Variants in NTM observed in about 807,000 individuals in gnomAD.
NTM encodes neurotrimin, also known as IgLON family member 2.
Under a neutral mutation model 42.1 loss-of-function variants are expected in NTM, and 13 were observed. The observed-to-expected ratio is 0.31, with a 90% CI of 0.20 to 0.49. NTM has a LOEUF of 0.49. NTM is among the 20% of genes least tolerant of loss of function. The probability of loss-of-function intolerance (pLI) is 0.99; values close to 1 mark genes in which losing one functional copy is unlikely to be tolerated. For synonymous variants in NTM, 187 were observed against 179.2 expected, an observed-to-expected ratio of 1.04 and a Z score of -0.35; for missense variants, 373 against 452.8, an observed-to-expected ratio of 0.82 and a Z score of 1.60.
chr11:131,801,737 T>A (rs2092130829), intron 1 of NTM, among the ~76,000 whole-genome samples: 1 of 152,144 alleles, frequency 6.6e-6, no homozygotes, highest in Non-Finnish European at 1.5e-5. Context: ...GATGACCTTT[T>A]CAATTAATGG....
At chr11:132,173,260 T>C (rs2076345720) in intron 3 of NTM, among the ~76,000 whole-genome samples, 1 of 152,224 alleles carries the variant, frequency 6.6e-6, no homozygotes, top group African/African-American at 2.4e-5. Context: ...TTTCTAATTT[T>C]AACTTCAAGA....
In NTM at chr11:131,789,479, AAG is replaced by A. The variant is rs1434770696; in HGVS notation, c.83-122083_83-122082del. Reference sequence around the variant, plus strand: ...GAAGAAGAAGAAGAAGAAGAAGAAGAAGAAGAAGAAGAGGAAAGAAGAAGAAG... The same window carrying A: ...GAAGAAGAAGAAGAAGAAGAAGAAGAAAGAAGAAGAGGAAAGAAGAAGAAG... On this transcript the variant is annotated intron_variant, in intron 1 of 8. Coordinates refer to ENST00000683400, the MANE Select transcript of NTM (RefSeq NM_001352005.2). Among the ~76,000 whole-genome samples the A allele has an allele frequency of 1.5e-3, 18 of 12,032 alleles. 6 individuals are homozygous for A. The highest frequency in any genetic ancestry group is 0.01 in the South Asian group (3 of 298). 7.9% of individuals were successfully genotyped at this position (12,032 alleles called of 152,430 possible).
chr11:131,875,960 G>T (rs1306011548), intron 1 of NTM, among the ~76,000 whole-genome samples: 3 of 152,224 alleles, frequency 2.0e-5, no homozygotes, highest in African/African-American at 7.2e-5. Flanking sequence ...CTGAGGAGGG[G>T]CCCAGTGCAA....
intron 4 of NTM, among the ~76,000 whole-genome samples, chr11:132,271,702 G>T (rs963517433): frequency 2.0e-5 from 3 of 149,160 alleles, no homozygotes; most frequent in African/African-American, 7.4e-5. Context: ...TTGGAGACAT[G>T]TCTGTTTAGA....
At position 132,163,793 on chromosome 11, in the gene NTM, C is replaced by T. The variant is rs189487232; in HGVS notation, c.400+17279C>T. 1.5e-3 allele frequency among the ~76,000 whole-genome samples: 226 copies of T among 152,374 alleles called. 2 individuals are homozygous for T. Among genetic ancestry groups the T allele is most frequent in the African/African-American group, 5.2e-3 (215 of 41,586 alleles). On this transcript the variant is annotated intron_variant, in intron 3 of 8. Transcript: ENST00000683400. ...TAGCCAGTGATTCTCAGCTCTGCTGCGCATTGAGATACTTGGGGTATTGTT... is the reference window on the plus strand; with the variant it reads ...TAGCCAGTGATTCTCAGCTCTGCTGTGCATTGAGATACTTGGGGTATTGTT...
At chr11:131,795,678 A>T in intron 1 of NTM, 1 of 985,420 alleles carries the variant, frequency 1.0e-6, no homozygotes, top group Non-Finnish European at 1.2e-6. Flanking sequence ...GTTCAGGGCG[A>T]ACAGCAGATA....
At chr11:132,304,156 T>C (rs2094981773) in intron 4 of NTM, among the ~76,000 whole-genome samples, 1 of 152,168 alleles carries the variant, frequency 6.6e-6, no homozygotes, top group South Asian at 2.1e-4. Flanking sequence ...AGAGTTTGTG[T>C]TTGATGTGAC....
At chr11:131,773,275 T>C (rs1489669859) in intron 1 of NTM, among the ~76,000 whole-genome samples, 1 of 152,176 alleles carries the variant, frequency 6.6e-6, no homozygotes, top group Non-Finnish European at 1.5e-5. Flanking sequence ...CAAGCACCTT[T>C]CTGAAGGCTC....
intron 1 of NTM, among the ~76,000 whole-genome samples, chr11:131,459,484 T>C (rs921205): frequency 0.055 from 8,442 of 152,234 alleles, 549 homozygotes; most frequent in East Asian, 0.21. Context: ...CATTGCCAGC[T>C]TTTAGAAAGA....
At chr11:132,041,121 G>A (rs1489235463) in intron 2 of NTM, among the ~76,000 whole-genome samples, 1 of 152,012 alleles carries the variant, frequency 6.6e-6, no homozygotes, top group Non-Finnish European at 1.5e-5. Flanking sequence ...TTCTGGATTG[G>A]AAGCTTTCTT....
chr11:131,859,194 G>C (rs1055442918), intron 1 of NTM, among the ~76,000 whole-genome samples: 1 of 152,146 alleles, frequency 6.6e-6, no homozygotes, highest in Non-Finnish European at 1.5e-5. Context: ...CAGAGAATAT[G>C]GTTATGTTTA....
At chr11:132,121,393 A>T (rs2064797275) in intron 2 of NTM, among the ~76,000 whole-genome samples, 1 of 152,234 alleles carries the variant, frequency 6.6e-6, no homozygotes. Flanking sequence ...ACTGAAAAAA[A>T]ATATGAATCT....
intron 1 of NTM, among the ~76,000 whole-genome samples, chr11:131,603,227 G>A (rs764539150): frequency 2.0e-5 from 3 of 151,942 alleles, no homozygotes; most frequent in South Asian, 2.1e-4. Context: ...GCTAAACCAC[G>A]TGGGTCCTCT....
At chr11:132,331,859 GT>G (rs1565502341) in intron 8 of NTM, among the ~76,000 whole-genome samples, 1 of 152,084 alleles carries the variant, frequency 6.6e-6, no homozygotes, top group African/African-American at 2.4e-5. Context: ...GTGTGTGAGG[GT>G]GGGGAAAAAA....
intron 2 of NTM, among the ~76,000 whole-genome samples, chr11:131,980,602 T>G (rs2065075136): frequency 6.6e-6 from 1 of 152,210 alleles, no homozygotes; most frequent in Non-Finnish European, 1.5e-5. Context: ...CACCACACTT[T>G]CAAAAACAAG....
In NTM at chr11:131,691,734, C is replaced by T. The variant is rs555752975; in HGVS notation, c.83-219830C>T. ...GCGCTGGCGCGTTCTTTCCGCGGCG[C>T]GGGGCTGAGCGGAGCGGGGCTGGGC... On this transcript the variant is annotated intron_variant, in intron 1 of 8. Transcript: ENST00000683400. 3.9e-4 allele frequency among the ~76,000 whole-genome samples: 60 copies of T among 152,262 alleles called. 1 individual carries two copies. In the South Asian group the frequency reaches 5.0e-3, roughly 13 times the overall value.
intron 1 of NTM, among the ~76,000 whole-genome samples, chr11:131,499,598 G>C (rs1313151324): frequency 6.6e-6 from 1 of 152,066 alleles, no homozygotes; most frequent in African/African-American, 2.4e-5. Context: ...CACTAACCTG[G>C]CTTTCCCTTC....
chr11:131,696,754 C>T (rs1442738408), intron 1 of NTM, among the ~76,000 whole-genome samples: 1 of 151,378 alleles, frequency 6.6e-6, no homozygotes, highest in Non-Finnish European at 1.5e-5. Context: ...CTTGTTTCAC[C>T]TTTGTGTCTC....
At chr11:131,462,353 A>G (rs751786960) in intron 1 of NTM, among the ~76,000 whole-genome samples, 8 of 152,236 alleles carry the variant, frequency 5.3e-5, no homozygotes, top group Non-Finnish European at 1.2e-4. Context: ...TCAAACACAT[A>G]AAACTATGCA....
Sources: gnomAD v4.1 joint callset for allele counts (sites outside exome capture counted in the v4.1 genomes callset) on GRCh38, gnomAD v4.1.1 for gene constraint, MANE v1.5 for transcripts, NCBI Gene and HGNC (gene_info 2026-07-23, HGNC 2026-07-21) for gene names.